PSTK: variants seen among roughly 807,000 people sequenced by gnomAD.
PSTK encodes phosphoseryl-tRNA kinase, also known as L-seryl-tRNA(Sec) kinase.
Under a neutral mutation model 38.6 loss-of-function variants are expected in PSTK, and 26 were observed. The observed-to-expected ratio is 0.67, with a 90% CI of 0.49 to 0.94. The LOEUF (loss-of-function observed/expected upper bound fraction) is 0.94. Ranked by LOEUF, PSTK falls within the 40% of genes least tolerant of loss-of-function variation. The probability of loss-of-function intolerance (pLI) is 0.00; values close to 1 mark genes in which losing one functional copy is unlikely to be tolerated. For missense variants in PSTK, 445 were observed against 436.3 expected, an observed-to-expected ratio of 1.02 and a Z score of -0.18; for synonymous variants, 181 against 161.7, an observed-to-expected ratio of 1.12 and a Z score of -0.91.
At chr10:122,988,605 A>G (rs1220884062) in intron 5 of PSTK, among the ~76,000 whole-genome samples, 3 of 152,210 alleles carry the variant, frequency 2.0e-5, no homozygotes, top group East Asian at 3.8e-4. Context: ...ACACAACCCA[A>G]TTTTTAAAAG....
At chr10:122,985,195 T>G (rs1206656939) in intron 3 of PSTK, 1 of 152,410 alleles carries the variant, frequency 6.6e-6, no homozygotes, top group Non-Finnish European at 1.5e-5. Flanking sequence ...GCCTTTCTCT[T>G]GCACGAACAC....
At chr10:122,987,216 C>A in intron 5 of PSTK, 1 of 1,369,682 alleles carries the variant, frequency 7.3e-7, no homozygotes, top group Non-Finnish European at 1.0e-6. Context: ...CGGCAGGGAG[C>A]AGAACATTCT....
chr10:122,983,114 G>T (rs1848988291), intron 2 of PSTK, 90 bp downstream of exon 2: 1 of 1,314,102 alleles, frequency 7.6e-7, no homozygotes, highest in Admixed American at 2.3e-5. Context: ...AACTTGATTA[G>T]GAGGTTATGT....
In PSTK at chr10:122,982,714, A is replaced by C; in HGVS notation, c.217-19A>C. ...CCCTAGTGGCCTAATATGAATTGCAATTCTTTGGTCTCTTGTAGCCATCCC... is the reference window on the plus strand; with the variant it reads ...CCCTAGTGGCCTAATATGAATTGCACTTCTTTGGTCTCTTGTAGCCATCCC... On this transcript the variant is annotated intron_variant, in intron 1 of 5. Coordinates refer to ENST00000406217, the MANE Select transcript of PSTK (RefSeq NM_001363531.2). The C allele has an allele frequency of 6.2e-7, 1 of 1,610,942 alleles. No homozygotes were observed. The highest frequency in any genetic ancestry group is 8.5e-7 in the Non-Finnish European group (1 of 1,177,832).
chr10:122,983,682 T>TA, intron 3 of PSTK: 3 of 553,544 alleles, frequency 5.4e-6, no homozygotes, highest in Non-Finnish European at 9.6e-6. Flanking sequence ...TCATAACTGT[T>TA]ACGATTATAC....
Position 122,990,204 on chromosome 10 carries a change from T to C in PSTK, c.908T>C (p.Leu303Pro). Residue 303 changes from leucine (L) to proline (P), a missense_variant, in exon 6 of 6, where the codon CTT becomes CCT. Leu to Pro is a moderately conservative substitution (Grantham distance 98, BLOSUM62 -3). Coordinates refer to ENST00000406217, the MANE Select transcript of PSTK (RefSeq NM_001363531.2). ...DEQVLPHNLK[L>P]LAEELNKLKA... The stretch of plus-strand genomic sequence containing the variant: ...CAAGTGCTTCCTCACAACTTGAAGC[T>C]TCTAGCAGAAGAACTTAACAAGCTC... 6.5e-7 allele frequency: 1 copy of C among 1,527,788 alleles called. No homozygotes were observed. Among genetic ancestry groups the C allele is most frequent in the South Asian group, 1.3e-5 (1 of 78,004 alleles). 94.6% of individuals were successfully genotyped at this position (1,527,788 alleles called of 1,614,324 possible).
intron 5 of PSTK, among the ~76,000 whole-genome samples, chr10:122,989,614 A>AT (rs1168631980): frequency 3.3e-5 from 5 of 152,214 alleles, no homozygotes; most frequent in Admixed American, 3.3e-4. Context: ...CTGTGAGTAT[A>AT]TAAAAAAAAC....
At position 122,980,413 on chromosome 10, in the gene PSTK, C is replaced by A. The variant is rs1016476820; in HGVS notation, c.-67C>A. On this transcript the variant is annotated 5_prime_UTR_variant, in exon 1 of 6. Transcript: ENST00000406217. This position sits in a 1 kb window ranked among gnomAD's most constrained non-coding sequence, Gnocchi z 4.3. ...GCCGGTAGGCGGCGGAGACGCTGCG[C>A]GTGCGCGCAGGGCAGACGGTAGAGC... is the stretch of plus-strand genomic sequence containing the variant. 2 of 1,429,600 alleles carry A rather than the reference C, an allele frequency of 1.4e-6. No homozygotes were observed. Among genetic ancestry groups the A allele is most frequent in the Non-Finnish European group, 9.2e-7 (1 of 1,086,602 alleles). The allele number at this position is 1,429,600 out of a possible 1,614,324, so 88.6% of individuals were successfully genotyped here.
Position 122,983,475 on chromosome 10 carries a change from T to G in PSTK, c.707+5T>G, listed in dbSNP as rs1397439621. The G allele has an allele frequency of 4.3e-6, 7 of 1,611,676 alleles. No individual in the cohort carries two copies. Among genetic ancestry groups the G allele is most frequent in the African/African-American group, 1.3e-5 (1 of 74,882 alleles). On this transcript the variant is annotated splice_donor_5th_base_variant and intron_variant, in intron 3 of 5. Coordinates refer to ENST00000406217, the MANE Select transcript of PSTK (RefSeq NM_001363531.2). ...AGCATGTGCTTCGGAGGCCAGGTATTCCACTCAATCATCCCTCCCTGGATG... is the reference window on the plus strand; with the variant it reads ...AGCATGTGCTTCGGAGGCCAGGTATGCCACTCAATCATCCCTCCCTGGATG...
rs777228611 is a variant in PSTK, at chr10:122,982,750, G to T, written c.234G>T (p.Leu78Phe). The T allele has an allele frequency of 4.3e-6, 7 of 1,613,992 alleles. No individual in the cohort carries two copies. The highest frequency in any genetic ancestry group is 4.2e-6 in the Non-Finnish European group (5 of 1,179,988). ...TCTTGTAGCCATCCCAATGGAAATTGCTTCGACAGGAACTGTTGAAGTACC... is the reference window on the plus strand; with the variant it reads ...TCTTGTAGCCATCCCAATGGAAATTTCTTCGACAGGAACTGTTGAAGTACC... ...RARPAPSQWK[L>F]LRQELLKYLE... The change falls in exon 2 of 6, where the codon TTG (leucine) becomes TTT (phenylalanine). Residue 78 changes from leucine to phenylalanine, a missense_variant. By Grantham distance (22) the Leu-to-Phe change is conservative. Transcript: ENST00000406217.
chr10:122,984,733 T>C (rs925180537), intron 3 of PSTK: 1 of 152,170 alleles, frequency 6.6e-6, no homozygotes, highest in African/African-American at 2.4e-5. Context: ...ACAGACTAAA[T>C]AGAACAAAAG....
At chr10:122,983,506 C>T (rs765881749) in intron 3 of PSTK, 36 bp downstream of exon 3, 1 of 1,573,052 alleles carries the variant, frequency 6.4e-7, no homozygotes, top group Non-Finnish European at 8.7e-7. Context: ...GGATGCTCCC[C>T]TGTGCCAGGT....
intron 5 of PSTK, among the ~76,000 whole-genome samples, chr10:122,987,724 G>A (rs574992316): frequency 2.0e-5 from 3 of 152,026 alleles, no homozygotes; most frequent in Admixed American, 6.5e-5. Context: ...CTTTCTATAC[G>A]TTAAGCGCTT....
At chr10:122,982,609 A>T in intron 1 of PSTK, 124 bp from the exon 2 acceptor site, 1 of 724,120 alleles carries the variant, frequency 1.4e-6, no homozygotes. Flanking sequence ...CAGGTGTGTT[A>T]GAGAACTACA....
chr10:122,987,042 A>G (rs1849044483), intron 5 of PSTK, 80 bp downstream of exon 5: 1 of 1,009,522 alleles, frequency 9.9e-7, no homozygotes, highest in Non-Finnish European at 1.5e-6. Flanking sequence ...CTCAGAGTTT[A>G]TTAGTTTTCA....
At chr10:122,989,061 G>A (rs2133361894) in intron 5 of PSTK, among the ~76,000 whole-genome samples, 1 of 152,026 alleles carries the variant, frequency 6.6e-6, no homozygotes, top group South Asian at 2.1e-4. Flanking sequence ...TTGAAAACAT[G>A]ATGCAAAGTG....
At chr10:122,987,019 G>C in intron 5 of PSTK, 57 bp downstream of exon 5, 1 of 1,113,214 alleles carries the variant, frequency 9.0e-7, no homozygotes, top group Non-Finnish European at 1.4e-6. Context: ...TACTGCTACT[G>C]TTATTCCCGA....
chr10:122,983,487 T>C lies in PSTK; in HGVS notation c.707+17T>C, dbSNP rs1402724273. 1.2e-6 allele frequency: 2 copies of C among 1,609,408 alleles called. No homozygotes were observed. Among genetic ancestry groups the C allele is most frequent in the Non-Finnish European group, 1.7e-6 (2 of 1,178,000 alleles). On this transcript the variant is annotated intron_variant, in intron 3 of 5. Coordinates refer to ENST00000406217, the MANE Select transcript of PSTK (RefSeq NM_001363531.2). ...GGAGGCCAGGTATTCCACTCAATCA[T>C]CCCTCCCTGGATGCTCCCCTGTGCC...
At chr10:122,987,012 T>C (rs1415129942) in intron 5 of PSTK, 50 bp downstream of exon 5, 1 of 1,174,100 alleles carries the variant, frequency 8.5e-7, no homozygotes, top group Non-Finnish European at 1.3e-6. Flanking sequence ...GACTTTCTAC[T>C]GCTACTGTTA....
Sources: allele counts gnomAD v4.1 joint callset (sites outside exome capture counted in the v4.1 genomes callset), GRCh38; gene constraint gnomAD v4.1.1; non-coding constraint Gnocchi (gnomAD v3.1); transcripts MANE v1.5; gene names NCBI Gene and HGNC (gene_info 2026-07-23, HGNC 2026-07-21).